The following CCDC117 variants were observed in gnomAD, a reference collection of about 807,000 sequenced individuals.
CCDC117 encodes coiled-coil domain-containing protein 117.
In CCDC117, 1 loss-of-function variant was observed where a neutral mutation model predicts 23.5. The observed-to-expected ratio is 0.04, with a 90% CI of 0.02 to 0.20. The LOEUF (loss-of-function observed/expected upper bound fraction) is 0.20, where lower values mean the gene tolerates loss of function less well. Ranked by LOEUF, CCDC117 falls within the 10% of genes least tolerant of loss-of-function variation. The probability of loss-of-function intolerance (pLI) is 1.00; values close to 1 mark genes in which losing one functional copy is unlikely to be tolerated. For synonymous variants in CCDC117, 132 were observed against 124.8 expected (o/e 1.06, Z -0.39); for missense variants, 383 against 348.2 (o/e 1.10, Z -0.80).
At position 28,783,490 on chromosome 22, in the gene CCDC117, C is replaced by T. The variant is rs779760624; in HGVS notation, c.465-18C>T. On this transcript the variant is annotated intron_variant, in intron 3 of 4. Transcript: ENST00000249064. ...GACTAAATATTTTTTCTTTCTTCTG[C>T]TGCCTTAATTGATTTAGGATAATTG... 35 of 1,599,130 alleles carry T rather than the reference C, an allele frequency of 2.2e-5. No homozygotes were observed. The highest frequency in any genetic ancestry group is 2.8e-5 in the Non-Finnish European group (33 of 1,175,430).
intron 4 of CCDC117, among the ~76,000 whole-genome samples, chr22:28,784,619 G>T (rs573353749): frequency 6.4e-4 from 97 of 152,184 alleles, no homozygotes; most frequent in Non-Finnish European, 1.2e-3. Flanking sequence ...TTTGCATTAG[G>T]GTCCTATCTT....
At position 28,788,634 on chromosome 22, in the gene CCDC117, GTTC is replaced by G. The variant is rs2031585673; in HGVS notation, c.*2311_*2313del. ...TTCTGCAGGATAATTGATGTTTTAT[GTTC>G]TTTTTTGGACTTTATCTTCTTGCAA... On this transcript the variant is annotated 3_prime_UTR_variant, in exon 5 of 5. Coordinates refer to ENST00000249064, the MANE Select transcript of CCDC117 (RefSeq NM_173510.4). The G allele has an allele frequency of 6.6e-6, 1 of 152,548 alleles. No individual in the cohort carries two copies. The highest frequency in any genetic ancestry group is 2.4e-5 in the African/African-American group (1 of 41,428). 9.4% of individuals were successfully genotyped at this position (152,548 alleles called of 1,614,324 possible). A position where few individuals can be genotyped will look rare whatever the true frequency, so the allele number is the denominator to read the frequency against.
intron 2 of CCDC117, among the ~76,000 whole-genome samples, chr22:28,774,343 A>T (rs955127100): frequency 4.7e-5 from 7 of 148,908 alleles, no homozygotes; most frequent in Admixed American, 2.0e-4. Context: ...CTGAGATTAC[A>T]GGCCTGAGCC....
chr22:28,783,098 A>G (rs1394782510), intron 3 of CCDC117, among the ~76,000 whole-genome samples: 2 of 151,828 alleles, frequency 1.3e-5, no homozygotes, highest in African/African-American at 2.4e-5. Context: ...CTGGTGTGCA[A>G]TGGCACGATC....
intron 2 of CCDC117, among the ~76,000 whole-genome samples, chr22:28,778,125 A>C (rs1291029538): frequency 2.0e-5 from 3 of 151,970 alleles, no homozygotes; most frequent in Admixed American, 6.6e-5. Context: ...CGGCCTCCCA[A>C]AGTGCTGGGA....
rs772505241 is a variant in CCDC117 at position 28,773,732 on chromosome 22, G to GTTCAC, written c.195_199dup (p.Cys67PhefsTer19). 1 of 1,613,102 alleles carries GTTCAC rather than the reference G, an allele frequency of 6.2e-7. No individual in the cohort carries two copies. Among genetic ancestry groups the GTTCAC allele is most frequent in the African/African-American group, 1.3e-5 (1 of 75,014 alleles). On this transcript the variant is annotated frameshift_variant, in exon 2 of 5. Coordinates refer to ENST00000249064, the MANE Select transcript of CCDC117 (RefSeq NM_173510.4). LOFTEE classifies it high-confidence loss of function. ...TTTTGTTTGTTTCAACAGTGTTTCT[G>GTTCAC]TTCACTGTAAAAAGAAACACAAGCG...
intron 2 of CCDC117, 99 bp from the exon 3 acceptor site, chr22:28,780,849 C>T: frequency 1.2e-6 from 1 of 832,344 alleles, no homozygotes; most frequent in Non-Finnish European, 1.9e-6. Flanking sequence ...GTCAAAAAAG[C>T]TAGTTTTTTA....
intron 4 of CCDC117, among the ~76,000 whole-genome samples, chr22:28,784,371 C>G (rs934043414): frequency 1.3e-5 from 2 of 152,176 alleles, no homozygotes; most frequent in Non-Finnish European, 2.9e-5. Context: ...GTGAAGCCTC[C>G]GTGATCTCAA....
intron 4 of CCDC117, among the ~76,000 whole-genome samples, chr22:28,785,260 C>G (rs1367060047): frequency 6.6e-6 from 1 of 151,946 alleles, no homozygotes; most frequent in Non-Finnish European, 1.5e-5. Context: ...ATGATCACAG[C>G]TCACCACAGC....
chr22:28,779,038 C>T (rs1281524597), intron 2 of CCDC117, among the ~76,000 whole-genome samples: 2 of 152,060 alleles, frequency 1.3e-5, no homozygotes, highest in African/African-American at 2.4e-5. Context: ...CTGTGTTGCT[C>T]AGGCTGGTCT....
At chr22:28,776,472 G>A (rs2031164140) in intron 2 of CCDC117, among the ~76,000 whole-genome samples, 3 of 151,884 alleles carry the variant, frequency 2.0e-5, no homozygotes, top group African/African-American at 7.3e-5. Context: ...GCTCAGGCTG[G>A]AGTGCAGTAG....
chr22:28,785,762 T>C (rs1398988577), intron 4 of CCDC117, among the ~76,000 whole-genome samples: 3 of 152,050 alleles, frequency 2.0e-5, no homozygotes, highest in Non-Finnish European at 2.9e-5. Context: ...GGGGCCTTTC[T>C]AAAGATCAGT....
At chr22:28,782,181 G>T (rs1406153335) in intron 3 of CCDC117, among the ~76,000 whole-genome samples, 2 of 137,372 alleles carry the variant, frequency 1.5e-5, no homozygotes, top group African/African-American at 5.6e-5. Context: ...CGAGCAAGCC[G>T]CCTGCCTCGG....
chr22:28,782,250 CTTTTT>C (rs34670753), intron 3 of CCDC117, among the ~76,000 whole-genome samples: 87 of 80,312 alleles, frequency 1.1e-3, no homozygotes, highest in African/African-American at 3.2e-3. Context: ...TCTACTGAGC[CTTTTT>C]TTTTTTTTTT....
intron 2 of CCDC117, among the ~76,000 whole-genome samples, chr22:28,775,165 G>C: frequency 6.6e-6 from 1 of 152,182 alleles, no homozygotes; most frequent in East Asian, 1.9e-4. Context: ...GGAGGCTGAG[G>C]CAGGAGAATC....
intron 3 of CCDC117, 105 bp downstream of exon 3, chr22:28,781,277 C>A (rs1426085293): frequency 1.6e-6 from 1 of 610,160 alleles, no homozygotes; most frequent in Non-Finnish European, 3.0e-6. Context: ...GATCCTTAGC[C>A]TCTCAGAAAG....
At chr22:28,781,964 A>G (rs1467892287) in intron 3 of CCDC117, among the ~76,000 whole-genome samples, 1 of 119,480 alleles carries the variant, frequency 8.4e-6, no homozygotes, top group Non-Finnish European at 1.7e-5. Flanking sequence ...TTTTTTTTAA[A>G]TTGATACAGG....
At chr22:28,778,944 A>G (rs2031245744) in intron 2 of CCDC117, among the ~76,000 whole-genome samples, 1 of 152,094 alleles carries the variant, frequency 6.6e-6, no homozygotes. Flanking sequence ...CTTTATTTGC[A>G]TTTTATAGTG....
chr22:28,776,821 T>C (rs902360936), intron 2 of CCDC117, among the ~76,000 whole-genome samples: 1 of 151,924 alleles, frequency 6.6e-6, no homozygotes, highest in Admixed American at 6.5e-5. Context: ...CGACTTCGGA[T>C]GATCCTCTCG....
Sources: gnomAD v4.1 joint callset for allele counts (sites outside exome capture counted in the v4.1 genomes callset) on GRCh38, gnomAD v4.1.1 for gene constraint, MANE v1.5 for transcripts, NCBI Gene and HGNC (gene_info 2026-07-23, HGNC 2026-07-21) for gene names.